SPTLC2: variants seen among roughly 807,000 people sequenced by gnomAD.
The protein encoded by SPTLC2 is serine palmitoyltransferase 2.
Under a neutral mutation model 62.0 loss-of-function variants are expected in SPTLC2, and 21 were observed. The ratio of observed to expected loss-of-function variants is 0.34; its 90% CI spans 0.24 to 0.49. The LOEUF (loss-of-function observed/expected upper bound fraction) is 0.49, where lower values mean the gene tolerates loss of function less well. Ranked by LOEUF, SPTLC2 falls within the 20% of genes least tolerant of loss-of-function variation. The pLI is 0.99. For missense variants in SPTLC2, 511 were observed against 713.0 expected, an observed-to-expected ratio of 0.72 and a Z score of 3.23; for synonymous variants, 261 against 261.8, an observed-to-expected ratio of 1.00 and a Z score of 0.03.
At chr14:77,542,210 T>G (rs1166684734) in intron 9 of SPTLC2, among the ~76,000 whole-genome samples, 1 of 152,034 alleles carries the variant, frequency 6.6e-6, no homozygotes, top group Admixed American at 6.6e-5. Flanking sequence ...CAGAGTATAC[T>G]GGTATTTGAA....
At chr14:77,584,683 C>CT (rs2079771271) in intron 2 of SPTLC2, among the ~76,000 whole-genome samples, 1 of 152,172 alleles carries the variant, frequency 6.6e-6, no homozygotes, top group South Asian at 2.1e-4. Flanking sequence ...ATCTGAAATA[C>CT]TTTGATAGCG....
intron 1 of SPTLC2, among the ~76,000 whole-genome samples, chr14:77,609,693 A>T (rs1160730728): frequency 3.3e-5 from 5 of 151,706 alleles, no homozygotes; most frequent in Non-Finnish European, 7.4e-5. Context: ...GCCACACTGC[A>T]CCCCAGCCTG....
intron 9 of SPTLC2, among the ~76,000 whole-genome samples, chr14:77,530,424 G>C (rs1404864005): frequency 6.6e-6 from 1 of 152,020 alleles, no homozygotes; most frequent in African/African-American, 2.4e-5. Flanking sequence ...CACCTCCTAG[G>C]TTCAAGCGAT....
At chr14:77,559,968 A>G (rs2079605967) in intron 6 of SPTLC2, among the ~76,000 whole-genome samples, 1 of 152,216 alleles carries the variant, frequency 6.6e-6, no homozygotes, top group African/African-American at 2.4e-5. Context: ...AGTAAAAAAT[A>G]GAAACAATTT....
chr14:77,598,417 G>T (rs1298160232), intron 1 of SPTLC2, among the ~76,000 whole-genome samples: 1 of 152,040 alleles, frequency 6.6e-6, no homozygotes, highest in Non-Finnish European at 1.5e-5. Flanking sequence ...GTACTATATT[G>T]GCCTACAGAT....
intron 1 of SPTLC2, among the ~76,000 whole-genome samples, chr14:77,602,150 T>G (rs10129280): frequency 0.43 from 65,899 of 151,878 alleles, 14,675 homozygotes; most frequent in East Asian, 0.64. Context: ...CTCATCTACT[T>G]AGGAGTTCTC....
intron 9 of SPTLC2, among the ~76,000 whole-genome samples, chr14:77,524,120 C>T (rs1040333282): frequency 6.6e-6 from 1 of 152,252 alleles, no homozygotes. Context: ...GCTAAGGCAA[C>T]AATGCTGATG....
intron 6 of SPTLC2, among the ~76,000 whole-genome samples, chr14:77,558,642 G>C (rs2079598495): frequency 7.2e-6 from 1 of 138,678 alleles, no homozygotes; most frequent in Admixed American, 7.3e-5. Flanking sequence ...TTTTTTTTGA[G>C]ACAGAGTCTT....
Position 77,579,212 on chromosome 14 carries a change from T to C in SPTLC2, c.328-103A>G. 6 of 1,211,182 alleles carry C rather than the reference T, an allele frequency of 5.0e-6. No homozygotes were observed. The South Asian group carries it at 6.5e-5, about 13-fold the overall frequency. The allele number at this position is 1,211,182 out of a possible 1,614,324, so 75.0% of individuals were successfully genotyped here. On this transcript the variant is annotated intron_variant, in intron 2 of 11. Coordinates refer to ENST00000216484, the MANE Select transcript of SPTLC2 (RefSeq NM_004863.4). ...TTTATTTATGTAAATTTATGGGGTA[T>C]AAGGGCAATTTCATTACGTGCAAGA...
intron 9 of SPTLC2, among the ~76,000 whole-genome samples, 191 bp downstream of exon 9, chr14:77,551,905 G>GA (rs1478992228): frequency 6.6e-6 from 1 of 152,170 alleles, no homozygotes; most frequent in Non-Finnish European, 1.5e-5. Context: ...AAATTCCATA[G>GA]AAAGTGAGCC....
At chr14:77,529,888 AT>A (rs1256358392) in intron 9 of SPTLC2, among the ~76,000 whole-genome samples, 1 of 151,642 alleles carries the variant, frequency 6.6e-6, no homozygotes, top group Non-Finnish European at 1.5e-5. Context: ...CAGTAAAGCA[AT>A]TTCTAAGCAG....
chr14:77,570,721 C>G (rs1233364526), intron 4 of SPTLC2, among the ~76,000 whole-genome samples: 1 of 152,116 alleles, frequency 6.6e-6, no homozygotes, highest in African/African-American at 2.4e-5. Flanking sequence ...AAATCTGATT[C>G]AGCACCTGCA....
chr14:77,582,274 G>C lies in SPTLC2; in HGVS notation c.328-3165C>G, dbSNP rs543818203. On this transcript the variant is annotated intron_variant, in intron 2 of 11. Coordinates refer to ENST00000216484, the MANE Select transcript of SPTLC2 (RefSeq NM_004863.4). ...TCACCATGTTGGTCAGGCTGGTCTT[G>C]AACTCCTGACCTCAAAGGATCTGCC... Among the ~76,000 whole-genome samples, 16 of 151,942 alleles carry C rather than the reference G, an allele frequency of 1.1e-4. 1 individual carries two copies. Among genetic ancestry groups the C allele is most frequent in the African/African-American group, 3.9e-4 (16 of 41,430 alleles).
chr14:77,592,500 ATTTC>A (rs1459557883), intron 2 of SPTLC2, among the ~76,000 whole-genome samples: 2 of 152,072 alleles, frequency 1.3e-5, no homozygotes, highest in East Asian at 3.8e-4. Context: ...ATGTATTTGA[ATTTC>A]TTTCTTTCTT....
rs542338438 is a variant in SPTLC2, at chr14:77,556,050, C to T, written c.957-531G>A. On this transcript the variant is annotated intron_variant, in intron 7 of 11. Transcript: ENST00000216484. Reference sequence around the variant, plus strand: ...TTTTAAAACAAGCACTGGCTGGGCGCGGTGGCTCACACCTGTAATCCCAGC... The same window carrying T: ...TTTTAAAACAAGCACTGGCTGGGCGTGGTGGCTCACACCTGTAATCCCAGC... Among the ~76,000 whole-genome samples, 75 of 151,348 alleles carry T rather than the reference C, an allele frequency of 5.0e-4. 1 individual carries two copies. The South Asian group carries it at 0.012, about 25-fold the overall frequency.
In SPTLC2 at chr14:77,518,186, G is replaced by C. The variant is rs2079368063; in HGVS notation, c.1440-19C>G. 3.1e-6 allele frequency: 5 copies of C among 1,614,054 alleles called. No homozygotes were observed. Among genetic ancestry groups the C allele is most frequent in the Non-Finnish European group, 4.2e-6 (5 of 1,179,978 alleles). On this transcript the variant is annotated intron_variant, in intron 10 of 11. Coordinates refer to ENST00000216484, the MANE Select transcript of SPTLC2 (RefSeq NM_004863.4). ...AAAGGCGCTGCAAAGGGGAAAACAAGAACAGAAACCAGGAGGAGTGAAAAA... is the reference window on the plus strand; with the variant it reads ...AAAGGCGCTGCAAAGGGGAAAACAACAACAGAAACCAGGAGGAGTGAAAAA...
intron 2 of SPTLC2, among the ~76,000 whole-genome samples, chr14:77,596,242 G>A (rs1010401993): frequency 6.6e-6 from 1 of 152,078 alleles, no homozygotes; most frequent in Non-Finnish European, 1.5e-5. Context: ...GGGAGGCTGA[G>A]GCCAGAGAAT....
chr14:77,615,494 T>C (rs1566796785), intron 1 of SPTLC2, among the ~76,000 whole-genome samples: 2 of 152,230 alleles, frequency 1.3e-5, no homozygotes, highest in Non-Finnish European at 2.9e-5. Flanking sequence ...TTAATATCTG[T>C]ACAAGACTTA....
Position 77,576,753 on chromosome 14 carries a change from C to T in SPTLC2, c.631+14G>A. ...GTCAAAAACAGCAGCTGGCCAAATA[C>T]AGCTTTCACTTACCAATTTCCTGCC... On this transcript the variant is annotated intron_variant, in intron 4 of 11. Transcript: ENST00000216484. 1 of 1,614,172 alleles carries T rather than the reference C, an allele frequency of 6.2e-7. No homozygotes were observed. The highest frequency in any genetic ancestry group is 8.5e-7 in the Non-Finnish European group (1 of 1,180,038).
Sources: gnomAD v4.1 joint callset for allele counts (sites outside exome capture counted in the v4.1 genomes callset) on GRCh38, gnomAD v4.1.1 for gene constraint, MANE v1.5 for transcripts, NCBI Gene and HGNC (gene_info 2026-07-23, HGNC 2026-07-21) for gene names.